The following TMEM132D variants were observed in gnomAD, a reference collection of about 807,000 sequenced individuals.
TMEM132D encodes the protein mature OL transmembrane protein.
TMEM132D carries 21 observed loss-of-function variants against 62.3 expected under a neutral mutation model. The observed-to-expected ratio is 0.34, with a 90% confidence interval of 0.24 to 0.49. TMEM132D has a LOEUF of 0.49. TMEM132D is among the 20% of genes least tolerant of loss of function. TMEM132D has a pLI of 0.99. For missense variants in TMEM132D, 1,346 were observed against 1,402.8 expected, an observed-to-expected ratio of 0.96 and a Z score of 0.65; for synonymous variants, 621 against 575.6, an observed-to-expected ratio of 1.08 and a Z score of -1.13.
intron 3 of TMEM132D, among the ~76,000 whole-genome samples, chr12:129,346,261 A>G (rs1007530231): frequency 3.3e-5 from 5 of 152,134 alleles, no homozygotes; most frequent in Non-Finnish European, 4.4e-5. Context: ...GGTAGTTTGT[A>G]TATCTGTGGG....
At position 129,188,690 on chromosome 12, in the gene TMEM132D, T is replaced by TGATA. The variant is rs145843780; in HGVS notation, c.1443+20826_1443+20829dup. On this transcript the variant is annotated intron_variant, in intron 5 of 8. Coordinates refer to ENST00000422113, the MANE Select transcript of TMEM132D (RefSeq NM_133448.3). ...AGGGCAAAAGATGAAACTAGATGAT[T>TGATA]GATAGATAGATAGATAGATAATAGA... 9.5e-3 allele frequency among the ~76,000 whole-genome samples: 1,391 copies of TGATA among 147,184 alleles called. 16 individuals are homozygous for TGATA. The highest frequency in any genetic ancestry group is 0.035 in the South Asian group (165 of 4,660).
intron 2 of TMEM132D, among the ~76,000 whole-genome samples, chr12:129,558,660 C>T (rs1317547187): frequency 2.6e-5 from 4 of 152,120 alleles, no homozygotes; most frequent in Admixed American, 6.5e-5. Flanking sequence ...TCAGGTGAAG[C>T]GTGCTCTTCT....
intron 2 of TMEM132D, among the ~76,000 whole-genome samples, chr12:129,593,380 A>T (rs1309080790): frequency 6.6e-6 from 1 of 152,218 alleles, no homozygotes; most frequent in African/African-American, 2.4e-5. Flanking sequence ...TACTATACAA[A>T]TTCTATTACA....
chr12:129,794,069 T>G (rs1346367017), intron 1 of TMEM132D, among the ~76,000 whole-genome samples: 1 of 144,558 alleles, frequency 6.9e-6, no homozygotes, highest in African/African-American at 2.5e-5. Flanking sequence ...TTTTTTTAAG[T>G]GTATGGGTTT....
chr12:129,587,932 A>G (rs1593077433), intron 2 of TMEM132D, among the ~76,000 whole-genome samples: 1 of 152,316 alleles, frequency 6.6e-6, no homozygotes, highest in East Asian at 1.9e-4. Flanking sequence ...GTTCAAGATG[A>G]GTCTCAGTAG....
rs746010644 is a variant in TMEM132D at position 129,188,074 on chromosome 12, C to T, written c.1443+21446G>A. On this transcript the variant is annotated intron_variant, in intron 5 of 8. Coordinates refer to ENST00000422113, the MANE Select transcript of TMEM132D (RefSeq NM_133448.3). The stretch of plus-strand genomic sequence containing the variant: ...GTTTTAATCTCTCTCCCACAACCCA[C>T]CCATCCTCTTTGCAACAGAACTCTG... Among the ~76,000 whole-genome samples the T allele has an allele frequency of 3.3e-5, 5 of 152,228 alleles. No homozygotes were observed. In the South Asian group the frequency reaches 6.2e-4, roughly 19 times the overall value.
chr12:129,444,387 C>G (rs1873032699), intron 3 of TMEM132D, among the ~76,000 whole-genome samples: 2 of 121,044 alleles, frequency 1.7e-5, no homozygotes, highest in Admixed American at 1.5e-4. Flanking sequence ...ATCCAGTATT[C>G]ATAAGGAAAT....
rs1447304173 is a variant in TMEM132D, at chr12:129,700,148, G to A, written c.630C>T (p.Ala210=). 2.5e-6 allele frequency: 4 copies of A among 1,612,912 alleles called. No individual in the cohort carries two copies. Among genetic ancestry groups the A allele is most frequent in the South Asian group, 1.1e-5 (1 of 91,074 alleles). Residue 210 remains alanine, a synonymous_variant, in exon 2 of 9, where the codon GCC becomes GCT. Transcript: ENST00000422113. The stretch of plus-strand genomic sequence containing the variant: ...GCTGGTCCACGGACTTCCTCCTCCC[G>A]GCAACCACCGTGGGGGGGCTGAACC... ...SSWFSPPTVV[A]GRRKSVDQPE...
intron 3 of TMEM132D, among the ~76,000 whole-genome samples, chr12:129,349,909 CT>C (rs1167326648): frequency 2.0e-5 from 3 of 152,140 alleles, no homozygotes; most frequent in Non-Finnish European, 2.9e-5. Context: ...ATCTTCAGCC[CT>C]AGGAATTCAG....
chr12:129,812,237 T>G (rs1872207986), intron 1 of TMEM132D, among the ~76,000 whole-genome samples: 1 of 151,684 alleles, frequency 6.6e-6, no homozygotes, highest in African/African-American at 2.4e-5. Flanking sequence ...ATTTATCTCT[T>G]TCTCTTCCCC....
intron 5 of TMEM132D, among the ~76,000 whole-genome samples, chr12:129,156,072 A>C (rs1877235598): frequency 6.6e-6 from 1 of 151,802 alleles, no homozygotes; most frequent in Non-Finnish European, 1.5e-5. Flanking sequence ...TAACTAACCC[A>C]CTTCCATGAT....
At chr12:129,777,578 A>G (rs990569720) in intron 1 of TMEM132D, among the ~76,000 whole-genome samples, 2 of 152,206 alleles carry the variant, frequency 1.3e-5, no homozygotes, top group Non-Finnish European at 2.9e-5. Context: ...ACATACAAGA[A>G]GAACCCAGCT....
At chr12:129,227,646 T>A (rs1879517605) in intron 4 of TMEM132D, among the ~76,000 whole-genome samples, 1 of 151,754 alleles carries the variant, frequency 6.6e-6, no homozygotes, top group African/African-American at 2.4e-5. Context: ...ATGTGCACAA[T>A]GTGCAGGTTT....
chr12:129,411,849 C>T (rs1871977146), intron 3 of TMEM132D, among the ~76,000 whole-genome samples: 1 of 152,200 alleles, frequency 6.6e-6, no homozygotes, highest in Admixed American at 6.5e-5. Flanking sequence ...AATGTTCTCA[C>T]TCCCATTGTT....
At chr12:129,244,229 C>CA (rs11357921) in intron 4 of TMEM132D, among the ~76,000 whole-genome samples, 20 of 150,768 alleles carry the variant, frequency 1.3e-4, no homozygotes, top group Non-Finnish European at 3.0e-5. Flanking sequence ...ACTAAAAATA[C>CA]AAAAAAATTA....
rs973035635 is a variant in TMEM132D, at chr12:129,692,637, T to C, written c.968+7173A>G. Among the ~76,000 whole-genome samples, 6 of 152,156 alleles carry C rather than the reference T, an allele frequency of 3.9e-5. 1 individual carries two copies. Among genetic ancestry groups the C allele is most frequent in the Admixed American group, 3.9e-4 (6 of 15,278 alleles). ...GATAGACTGGATAAAGAAAATGTGG[T>C]ACATAGACACCATGGGATACTATGC... On this transcript the variant is annotated intron_variant, in intron 2 of 8. Transcript: ENST00000422113.
At chr12:129,699,476 T>G (rs991796896) in intron 2 of TMEM132D, among the ~76,000 whole-genome samples, 1 of 152,198 alleles carries the variant, frequency 6.6e-6, no homozygotes, top group Non-Finnish European at 1.5e-5. Flanking sequence ...CATTTAACTC[T>G]CCCAATTTTG....
At chr12:129,271,573 CT>C (rs1364406413) in intron 4 of TMEM132D, among the ~76,000 whole-genome samples, 1 of 151,536 alleles carries the variant, frequency 6.6e-6, no homozygotes, top group Admixed American at 6.6e-5. Context: ...CCCCCACCCC[CT>C]AACAGGGCCC....
In TMEM132D at chr12:129,578,408, A is replaced by ATG. The variant is rs143488724; in HGVS notation, c.969-47205_969-47204dup. Among the ~76,000 whole-genome samples, 772 of 144,808 alleles carry ATG rather than the reference A, an allele frequency of 5.3e-3. 8 individuals are homozygous for ATG. Among genetic ancestry groups the ATG allele is most frequent in the Middle Eastern group, 0.018 (5 of 282 alleles). The allele number at this position is 144,808 out of a possible 152,430, so 95.0% of individuals were successfully genotyped here. A position where few individuals can be genotyped will look rare whatever the true frequency, so the allele number is the denominator to read the frequency against. ...CTGGAGAACGCTGAGTAATACAATT[A>ATG]TGTGTGTGTGTGTGTGTATATATAT... is the stretch of plus-strand genomic sequence containing the variant. On this transcript the variant is annotated intron_variant, in intron 2 of 8. Coordinates refer to ENST00000422113, the MANE Select transcript of TMEM132D (RefSeq NM_133448.3).
Sources: gnomAD v4.1 joint callset for allele counts (sites outside exome capture counted in the v4.1 genomes callset) on GRCh38, gnomAD v4.1.1 for gene constraint, MANE v1.5 for transcripts, NCBI Gene and HGNC (gene_info 2026-07-23, HGNC 2026-07-21) for gene names.